Variants in SLC15A4 observed in about 807,000 individuals in gnomAD.
SLC15A4 encodes the protein solute carrier family 15 member 4.
A neutral mutation model predicts 46.1 loss-of-function variants in SLC15A4; 26 were observed. The observed-to-expected ratio is 0.56, with a 90% confidence interval of 0.41 to 0.78. The LOEUF is 0.78. Among genes scored for constraint, SLC15A4 ranks in the 30% least tolerant of loss-of-function variants. SLC15A4 has a pLI of 0.00. For missense variants in SLC15A4, 751 were observed against 755.7 expected (o/e 0.99, Z 0.07); for synonymous variants, 370 against 333.4 (o/e 1.11, Z -1.20).
intron 5 of SLC15A4, among the ~76,000 whole-genome samples, chr12:128,807,463 C>T (rs1955603321): frequency 6.6e-6 from 1 of 152,248 alleles, no homozygotes; most frequent in African/African-American, 2.4e-5. Flanking sequence ...GGAACGAGGA[C>T]TCCCTTCCTT....
Position 128,793,678 on chromosome 12 carries a change from A to T in SLC15A4, c.*518T>A, listed in dbSNP as rs1432340375. 6.6e-6 allele frequency: 1 copy of T among 152,278 alleles called. No individual in the cohort carries two copies. Among genetic ancestry groups the T allele is most frequent in the Non-Finnish European group, 1.5e-5 (1 of 68,056 alleles). 9.4% of individuals were successfully genotyped at this position (152,278 alleles called of 1,614,324 possible). A position where few individuals can be genotyped will look rare whatever the true frequency, so the allele number is the denominator to read the frequency against. ...AGAGCAAGATTGTTCTCAGGAAGGA[A>T]ACCATAAATATGGCATTTATGTAAA... On this transcript the variant is annotated 3_prime_UTR_variant, in exon 8 of 8. Transcript: ENST00000266771.
Position 128,796,458 on chromosome 12 carries a change from A to AAAAAAAAC in SLC15A4, c.1574-2103_1574-2102insGTTTTTTT, listed in dbSNP as rs1176888407. ...AAAAAAAAAAAAAAAAAAAAAAAAAACCCACACATCTGTATGGTGAGATCT... is the reference window on the plus strand; with the variant it reads ...AAAAAAAAAAAAAAAAAAAAAAAAAAAAAAAAACCCCACACATCTGTATGGTGAGATCT... On this transcript the variant is annotated intron_variant, in intron 7 of 7. Transcript: ENST00000266771. Among the ~76,000 whole-genome samples the AAAAAAAAC allele has an allele frequency of 2.6e-4, 9 of 34,664 alleles. 1 individual carries two copies. The highest frequency in any genetic ancestry group is 1.6e-3 in the East Asian group (2 of 1,268). The allele number at this position is 34,664 out of a possible 152,430, so 22.7% of individuals were successfully genotyped here.
In SLC15A4 at chr12:128,823,800, G is replaced by A. The variant is rs1160885999; in HGVS notation, c.144C>T (p.Arg48=). 2.2e-5 allele frequency: 33 copies of A among 1,498,636 alleles called. No homozygotes were observed. The Admixed American group carries it at 3.5e-4, about 16-fold the overall frequency. The allele number at this position is 1,498,636 out of a possible 1,614,324, so 92.8% of individuals were successfully genotyped here. A position where few individuals can be genotyped will look rare whatever the true frequency, so the allele number is the denominator to read the frequency against. The part of the protein sequence containing the change: ...GAVLLTELLE[R]AAFYGITSNL... The stretch of plus-strand genomic sequence containing the variant: ...TGGACGTGATGCCGTAGAAAGCGGC[G>A]CGCTCCAGCAGCTCCGTCAGCAGCA... Residue 48 remains arginine, a synonymous_variant, in exon 1 of 8, where the codon CGC becomes CGT. Coordinates refer to ENST00000266771, the MANE Select transcript of SLC15A4 (RefSeq NM_145648.4).
chr12:128,808,395 G>C (rs1374985441), intron 5 of SLC15A4, among the ~76,000 whole-genome samples: 1 of 152,152 alleles, frequency 6.6e-6, no homozygotes, highest in Non-Finnish European at 1.5e-5. Flanking sequence ...CCTGACACTT[G>C]TTAATAAACC....
At position 128,794,348 on chromosome 12, in the gene SLC15A4, T is replaced by G; in HGVS notation, c.1582A>C (p.Asn528His). ...AAGTAATAGTTCAAATAGCAGCCGTTAATATTACCTGGAGAAAACAAAAGG... is the reference window on the plus strand; with the variant it reads ...AAGTAATAGTTCAAATAGCAGCCGTGAATATTACCTGGAGAAAACAAAAGG... Reference protein sequence around the residue: ...MSSHTDFGNINGCYLNYYFFL... With the variant: ...MSSHTDFGNIHGCYLNYYFFL... The change falls in exon 8 of 8, where the codon AAC becomes CAC. Residue 528 changes from asparagine to histidine, a missense_variant. By Grantham distance (68) the Asn-to-His change is moderately conservative. Coordinates refer to ENST00000266771, the MANE Select transcript of SLC15A4 (RefSeq NM_145648.4). 1 of 1,609,776 alleles carries G rather than the reference T, an allele frequency of 6.2e-7. No homozygotes were observed. The highest frequency in any genetic ancestry group is 2.2e-5 in the East Asian group (1 of 44,836).
At position 128,809,181 on chromosome 12, in the gene SLC15A4, C is replaced by T. The variant is rs889664951; in HGVS notation, c.1089+215G>A. 4 of 594,200 alleles carry T rather than the reference C, an allele frequency of 6.7e-6. No homozygotes were observed. In the Admixed American group the frequency reaches 1.0e-4, roughly 15 times the overall value. The allele number at this position is 594,200 out of a possible 1,614,324, so 36.8% of individuals were successfully genotyped here. ...GGGGAAAATAATCAGGTGAAAAATA[C>T]TAAGTAATGTTGAATTGATGTTAGT... On this transcript the variant is annotated intron_variant, in intron 4 of 7. Coordinates refer to ENST00000266771, the MANE Select transcript of SLC15A4 (RefSeq NM_145648.4).
intron 1 of SLC15A4, among the ~76,000 whole-genome samples, chr12:128,821,614 G>A (rs1238880542): frequency 1.3e-5 from 2 of 152,130 alleles, no homozygotes; most frequent in African/African-American, 2.4e-5. Flanking sequence ...CTAGCTGGGC[G>A]CCGTGGCTCA....
chr12:128,808,329 C>T (rs1350825900), intron 5 of SLC15A4, among the ~76,000 whole-genome samples: 1 of 152,132 alleles, frequency 6.6e-6, no homozygotes, highest in African/African-American at 2.4e-5. Context: ...ACATTTTTGT[C>T]ACCAGAAAAA....
At chr12:128,816,580 C>G (rs1955753901) in intron 1 of SLC15A4, among the ~76,000 whole-genome samples, 2 of 152,152 alleles carry the variant, frequency 1.3e-5, no homozygotes, top group Non-Finnish European at 2.9e-5. Context: ...TCTGGAATCC[C>G]AGCACTTTGG....
rs551055414 is a variant in SLC15A4, at chr12:128,808,960, G to A, written c.1090-4C>T. The A allele has an allele frequency of 1.9e-5, 31 of 1,611,974 alleles. No homozygotes were observed. The South Asian group carries it at 3.3e-4, about 17-fold the overall frequency. On this transcript the variant is annotated splice_region_variant and splice_polypyrimidine_tract_variant and intron_variant, in intron 4 of 7. Transcript: ENST00000266771. ...TGGTCAGCCAGGCTGCAGGGAGCTG[G>A]GGTGAAACACAGGAGGAGGCGTTTA...
At chr12:128,798,803 T>C (rs560685457) in intron 7 of SLC15A4, among the ~76,000 whole-genome samples, 1 of 152,338 alleles carries the variant, frequency 6.6e-6, no homozygotes, top group East Asian at 1.9e-4. Flanking sequence ...TTTTTAAAAG[T>C]AACTTACTAT....
In SLC15A4 at chr12:128,808,382, C is replaced by T. The variant is rs1020799884; in HGVS notation, c.1258+406G>A. On this transcript the variant is annotated intron_variant, in intron 5 of 7. Transcript: ENST00000266771. The stretch of plus-strand genomic sequence containing the variant: ...ATAAAAAATTCAAAGGACTCGCAGG[C>T]ACCCTGACACTTGTTAATAAACCTA... Among the ~76,000 whole-genome samples, 5 of 152,152 alleles carry T rather than the reference C, an allele frequency of 3.3e-5. No individual in the cohort carries two copies. In the East Asian group the frequency reaches 9.6e-4, roughly 29 times the overall value.
chr12:128,799,401 G>A lies in SLC15A4; in HGVS notation c.1431C>T (p.Tyr477=). The change falls in exon 7 of 8, where the codon TAC becomes TAT. Residue 477 remains tyrosine, a synonymous_variant. Coordinates refer to ENST00000266771, the MANE Select transcript of SLC15A4 (RefSeq NM_145648.4). ...TCTGCATGGACTTGGGGGCAGCTGA[G>A]TATGCAAATTCCAGGCCTGAGGAAA... The part of the protein sequence containing the change: ...FASIAGLEFA[Y]SAAPKSMQSA... The A allele has an allele frequency of 2.5e-6, 4 of 1,614,156 alleles. No individual in the cohort carries two copies. Among genetic ancestry groups the A allele is most frequent in the Non-Finnish European group, 3.4e-6 (4 of 1,180,026 alleles).
At chr12:128,798,503 A>C (rs1228944182) in intron 7 of SLC15A4, among the ~76,000 whole-genome samples, 1 of 152,250 alleles carries the variant, frequency 6.6e-6, no homozygotes, top group South Asian at 2.1e-4. Flanking sequence ...CTAAACGTTC[A>C]CCAGATTCTC....
At chr12:128,822,270 C>A (rs1955854751) in intron 1 of SLC15A4, among the ~76,000 whole-genome samples, 1 of 152,232 alleles carries the variant, frequency 6.6e-6, no homozygotes, top group South Asian at 2.1e-4. Flanking sequence ...TTGATGCTAA[C>A]TTGATTCAAA....
At chr12:128,803,800 A>T (rs1056669217) in intron 5 of SLC15A4, among the ~76,000 whole-genome samples, 1 of 152,200 alleles carries the variant, frequency 6.6e-6, no homozygotes, top group African/African-American at 2.4e-5. Context: ...GACAACAAAT[A>T]ATTCTTGAGG....
chr12:128,812,740 C>T (rs1955676832), intron 2 of SLC15A4, among the ~76,000 whole-genome samples: 1 of 152,160 alleles, frequency 6.6e-6, no homozygotes, highest in South Asian at 2.1e-4. Flanking sequence ...CACCGTGAGC[C>T]CATGAGATGA....
At chr12:128,816,782 TGG>T (rs1955757184) in intron 1 of SLC15A4, among the ~76,000 whole-genome samples, 1 of 152,124 alleles carries the variant, frequency 6.6e-6, no homozygotes, top group African/African-American at 2.4e-5. Context: ...TGAGCTGTGA[TGG>T]CACCACTGCA....
At chr12:128,810,936 C>A (rs751741458) in intron 2 of SLC15A4, among the ~76,000 whole-genome samples, 1 of 152,190 alleles carries the variant, frequency 6.6e-6, no homozygotes, top group African/African-American at 2.4e-5. Flanking sequence ...AGGCCCTGAC[C>A]CCTGCAGGAC....
Sources: allele counts gnomAD v4.1 joint callset (sites outside exome capture counted in the v4.1 genomes callset), GRCh38; gene constraint gnomAD v4.1.1; transcripts MANE v1.5; gene names NCBI Gene and HGNC (gene_info 2026-07-23, HGNC 2026-07-21).